The following PRKN variants were observed in gnomAD, a reference collection of about 807,000 sequenced individuals.
PRKN encodes parkin RBR E3 ubiquitin protein ligase, also known as E3 ubiquitin-protein ligase parkin.
PRKN carries 56 observed loss-of-function variants against 59.5 expected under a neutral mutation model. The observed-to-expected ratio is 0.94, with a 90% CI of 0.76 to 1.18. The LOEUF (loss-of-function observed/expected upper bound fraction) is 1.18. Among genes scored for constraint, PRKN ranks in the 50% most tolerant of loss-of-function variants. The pLI, the probability that PRKN is intolerant of heterozygous loss-of-function variation, is 0.00. For synonymous variants in PRKN, 250 were observed against 222.1 expected, an observed-to-expected ratio of 1.13 and a Z score of -1.12; for missense variants, 657 against 596.4, an observed-to-expected ratio of 1.10 and a Z score of -1.06.
intron 4 of PRKN, among the ~76,000 whole-genome samples, chr6:162,200,857 T>G (rs1213379671): frequency 6.6e-6 from 1 of 152,150 alleles, no homozygotes; most frequent in Non-Finnish European, 1.5e-5. Flanking sequence ...AACCTCTTTT[T>G]GCTGCCAAAG....
chr6:162,138,842 C>T (rs940225006), intron 4 of PRKN, among the ~76,000 whole-genome samples: 2 of 152,126 alleles, frequency 1.3e-5, no homozygotes, highest in Non-Finnish European at 2.9e-5. Flanking sequence ...CCATTCATAA[C>T]TCATCTCACC....
intron 2 of PRKN, among the ~76,000 whole-genome samples, chr6:162,425,521 G>A: frequency 6.6e-6 from 1 of 152,136 alleles, no homozygotes; most frequent in East Asian, 1.9e-4. Context: ...ACAAGAGCAG[G>A]ATTCCATCAG....
At chr6:162,566,170 G>C (rs752812300) in intron 1 of PRKN, among the ~76,000 whole-genome samples, 17 of 151,954 alleles carry the variant, frequency 1.1e-4, no homozygotes, top group Non-Finnish European at 2.1e-4. Flanking sequence ...TTTCAGAACT[G>C]GACAGGTCTT....
intron 4 of PRKN, among the ~76,000 whole-genome samples, chr6:162,069,896 T>G (rs953223388): frequency 6.6e-6 from 1 of 152,194 alleles, no homozygotes; most frequent in Non-Finnish European, 1.5e-5. Flanking sequence ...CTTTATATGG[T>G]ATACAGGACG....
At chr6:162,093,755 C>T (rs1779610274) in intron 4 of PRKN, among the ~76,000 whole-genome samples, 1 of 152,090 alleles carries the variant, frequency 6.6e-6, no homozygotes, top group East Asian at 1.9e-4. Flanking sequence ...CTTTAAACCC[C>T]CCGTAACTCA....
chr6:161,383,212 A>G (rs1332449882), intron 10 of PRKN, among the ~76,000 whole-genome samples: 4 of 152,216 alleles, frequency 2.6e-5, no homozygotes, highest in Non-Finnish European at 5.9e-5. Context: ...GGGAACAGAA[A>G]ATAAGCCAGC....
chr6:161,993,222 A>C (rs1021767321), intron 5 of PRKN, among the ~76,000 whole-genome samples: 1 of 152,130 alleles, frequency 6.6e-6, no homozygotes, highest in East Asian at 1.9e-4. Flanking sequence ...TAACCAAGAA[A>C]AAAGATAGAA....
chr6:161,537,826 T>G (rs1481422113), intron 9 of PRKN, among the ~76,000 whole-genome samples: 2 of 152,312 alleles, frequency 1.3e-5, no homozygotes, highest in East Asian at 3.9e-4. Context: ...TGTCACATTC[T>G]GCAAGTGGAC....
At chr6:161,670,685 G>A (rs1470304838) in intron 7 of PRKN, among the ~76,000 whole-genome samples, 1 of 152,088 alleles carries the variant, frequency 6.6e-6, no homozygotes, top group Non-Finnish European at 1.5e-5. Flanking sequence ...GCGTGGTGGC[G>A]GGTGCCTGTT....
intron 6 of PRKN, among the ~76,000 whole-genome samples, chr6:161,847,988 C>T (rs1052072992): frequency 6.6e-6 from 1 of 152,138 alleles, no homozygotes; most frequent in South Asian, 2.1e-4. Flanking sequence ...AGTGACCTCG[C>T]TGTTAGAGCT....
intron 3 of PRKN, among the ~76,000 whole-genome samples, chr6:162,202,551 ATT>A (rs1784775632): frequency 6.6e-6 from 1 of 152,198 alleles, no homozygotes; most frequent in African/African-American, 2.4e-5. Flanking sequence ...ACATGTTTAT[ATT>A]GATGTGAAAG....
intron 2 of PRKN, among the ~76,000 whole-genome samples, chr6:162,363,131 CAAA>C (rs34722234): frequency 2.5e-4 from 25 of 98,428 alleles, no homozygotes; most frequent in African/African-American, 4.4e-4. Context: ...CCTTCTCAAA[CAAA>C]AAAAAAAAAA....
At chr6:162,182,644 G>A (rs1783847443) in intron 4 of PRKN, among the ~76,000 whole-genome samples, 1 of 152,160 alleles carries the variant, frequency 6.6e-6, no homozygotes, top group South Asian at 2.1e-4. Flanking sequence ...CAGGATCCTC[G>A]CAGGAGTACA....
rs1785012122 is a variant in PRKN, at chr6:161,362,403, C to A, written c.1168-2198G>T. Among the ~76,000 whole-genome samples, 2 of 152,140 alleles carry A rather than the reference C, an allele frequency of 1.3e-5. No homozygotes were observed. The highest frequency in any genetic ancestry group is 4.1e-4 in the South Asian group (2 of 4,830). On this transcript the variant is annotated intron_variant, in intron 10 of 11. Coordinates refer to ENST00000366898, the MANE Select transcript of PRKN (RefSeq NM_004562.3). This position sits in a 1 kb window ranked among gnomAD's most constrained non-coding sequence, Gnocchi z 5.2. The stretch of plus-strand genomic sequence containing the variant: ...TCTTCCCAGGCCCTAAGGGCACAGG[C>A]AGGAGACAAAGCCTCCAGCCAGAGC...
In PRKN at chr6:161,518,623, C is replaced by G. The variant is rs1336145332; in HGVS notation, c.1083+30231G>C. ...TGTTAATGCCACGGCCTCCCCCTAG[C>G]AGCACAAGCCCAGCCTCCGCTCACC... On this transcript the variant is annotated intron_variant, in intron 9 of 11. Transcript: ENST00000366898. This position sits in a 1 kb window ranked among gnomAD's most constrained non-coding sequence, Gnocchi z 5.0. 6.6e-6 allele frequency among the ~76,000 whole-genome samples: 1 copy of G among 152,228 alleles called. No individual in the cohort carries two copies. The highest frequency in any genetic ancestry group is 2.4e-5 in the African/African-American group (1 of 41,468).
chr6:161,411,169 G>A (rs1787524484), intron 9 of PRKN, among the ~76,000 whole-genome samples: 1 of 152,104 alleles, frequency 6.6e-6, no homozygotes, highest in Non-Finnish European at 1.5e-5. Context: ...TCAGTGACAT[G>A]GCTTGGCTGT....
chr6:161,430,072 A>G (rs550059643), intron 9 of PRKN, among the ~76,000 whole-genome samples: 1 of 152,294 alleles, frequency 6.6e-6, no homozygotes, highest in South Asian at 2.1e-4. Context: ...GGGTTGCATT[A>G]CAGGTGTGAG....
intron 7 of PRKN, among the ~76,000 whole-genome samples, chr6:161,667,406 C>T (rs900489708): frequency 6.6e-6 from 1 of 152,174 alleles, no homozygotes; most frequent in African/African-American, 2.4e-5. Context: ...CTGCAAGCTT[C>T]GCATGGCCAG....
rs1784480881 is a variant in PRKN at position 161,350,349 on chromosome 6, T to G, written c.1286-138A>C. The G allele has an allele frequency of 4.5e-6, 3 of 660,714 alleles. No homozygotes were observed. The East Asian group carries it at 8.3e-5, about 18-fold the overall frequency. The allele number at this position is 660,714 out of a possible 1,614,324, so 40.9% of individuals were successfully genotyped here. A position where few individuals can be genotyped will look rare whatever the true frequency, so the allele number is the denominator to read the frequency against. On this transcript the variant is annotated intron_variant, in intron 11 of 11. Coordinates refer to ENST00000366898, the MANE Select transcript of PRKN (RefSeq NM_004562.3). ...AGCAATACAAGGGCAGAGAGAAACTTAACTGAGGGGAAAAACTTCATAAAG... is the reference window on the plus strand; with the variant it reads ...AGCAATACAAGGGCAGAGAGAAACTGAACTGAGGGGAAAAACTTCATAAAG...
Sources: allele counts gnomAD v4.1 joint callset (sites outside exome capture counted in the v4.1 genomes callset), GRCh38; gene constraint gnomAD v4.1.1; non-coding constraint Gnocchi (gnomAD v3.1); transcripts MANE v1.5; gene names NCBI Gene and HGNC (gene_info 2026-07-23, HGNC 2026-07-21).